The following G3BP1 variants were observed in gnomAD, a reference collection of about 807,000 sequenced individuals.
The protein encoded by G3BP1 is G3BP stress granule assembly factor 1.
In G3BP1, 35 loss-of-function variants were observed where a neutral mutation model predicts 58.6. The ratio of observed to expected loss-of-function variants is 0.60; its 90% CI spans 0.46 to 0.79. The LOEUF is 0.79. Among genes scored for constraint, G3BP1 ranks in the 30% least tolerant of loss-of-function variants. G3BP1 has a pLI of 0.00. For synonymous variants in G3BP1, 191 were observed against 195.4 expected, an observed-to-expected ratio of 0.98 and a Z score of 0.19; for missense variants, 523 against 580.8, an observed-to-expected ratio of 0.90 and a Z score of 1.02.
chr5:151,774,954 A>T (rs894244254), intron 1 of G3BP1, among the ~76,000 whole-genome samples: 1 of 152,148 alleles, frequency 6.6e-6, no homozygotes, highest in Non-Finnish European at 1.5e-5. Context: ...GTATTCTTGG[A>T]CATCCTGTCT....
rs1259162135 is a variant in G3BP1 at position 151,810,932 on chromosome 5, C to T, written c.*6841C>T. 2 of 152,162 alleles carry T rather than the reference C, an allele frequency of 1.3e-5. No homozygotes were observed. The highest frequency in any genetic ancestry group is 2.4e-5 in the African/African-American group (1 of 41,436). The allele number at this position is 152,162 out of a possible 1,614,324, so 9.4% of individuals were successfully genotyped here. On this transcript the variant is annotated 3_prime_UTR_variant, in exon 12 of 12. Coordinates refer to ENST00000356245, the MANE Select transcript of G3BP1 (RefSeq NM_005754.3). ...TTCTTCCTGATTGTGCCTAGTATAT[C>T]CCAGACAGTTTGTTTCTATGCAGAA...
rs974217664 is a variant in G3BP1, at chr5:151,804,853, C to A, written c.*762C>A. On this transcript the variant is annotated 3_prime_UTR_variant, in exon 12 of 12. Coordinates refer to ENST00000356245, the MANE Select transcript of G3BP1 (RefSeq NM_005754.3). ...AAAAAAACAAAAAGCAAAAAAATTC[C>A]CAAAACCCAGATAACAACCAGAGCA... 2.0e-5 allele frequency: 3 copies of A among 152,240 alleles called. No individual in the cohort carries two copies. The highest frequency in any genetic ancestry group is 7.3e-5 in the African/African-American group (3 of 41,314). The allele number at this position is 152,240 out of a possible 1,614,324, so 9.4% of individuals were successfully genotyped here. A position where few individuals can be genotyped will look rare whatever the true frequency, so the allele number is the denominator to read the frequency against.
intron 2 of G3BP1, among the ~76,000 whole-genome samples, chr5:151,787,559 T>G (rs1445886402): frequency 6.6e-6 from 1 of 152,218 alleles, no homozygotes; most frequent in Non-Finnish European, 1.5e-5. Context: ...TCCCATTAAT[T>G]TTAGTGGCTA....
intron 1 of G3BP1, among the ~76,000 whole-genome samples, chr5:151,784,270 TTTC>T (rs1036433884): frequency 6.6e-6 from 1 of 152,270 alleles, no homozygotes; most frequent in Middle Eastern, 3.4e-3. Context: ...CTAATTTTTT[TTTC>T]TTCATTTTTT....
At chr5:151,774,938 A>G (rs77053353) in intron 1 of G3BP1, among the ~76,000 whole-genome samples, 31 of 139,350 alleles carry the variant, frequency 2.2e-4, no homozygotes, top group African/African-American at 8.3e-4. Context: ...TACTTTTTTT[A>G]AAAAAGTATT....
At chr5:151,787,249 A>G (rs1272022754) in intron 2 of G3BP1, 3 of 152,422 alleles carry the variant, frequency 2.0e-5, no homozygotes, top group African/African-American at 7.2e-5. Flanking sequence ...ATAGTCATGC[A>G]TTATTTACTA....
chr5:151,795,288 AAAC>A (rs1191521921), intron 5 of G3BP1, among the ~76,000 whole-genome samples, 188 bp from the exon 6 acceptor site: 2 of 152,196 alleles, frequency 1.3e-5, no homozygotes, highest in African/African-American at 4.8e-5. Flanking sequence ...AAAAAACAAA[AAAC>A]AAAAAAAAGT....
intron 1 of G3BP1, among the ~76,000 whole-genome samples, chr5:151,779,605 CAG>C (rs1762432927): frequency 6.6e-6 from 1 of 152,178 alleles, no homozygotes; most frequent in African/African-American, 2.4e-5. Context: ...CGTTATCACA[CAG>C]TACATATTTG....
rs746033496 is a variant in G3BP1 at position 151,795,597 on chromosome 5, G to A, written c.539+22G>A. On this transcript the variant is annotated intron_variant, in intron 6 of 11. Transcript: ENST00000356245. ...TCAGGTAAGAAGATTTTGTTCACAT[G>A]TCCGGGGCTGCATAAGAACTTGCAT... 6.5e-5 allele frequency: 78 copies of A among 1,202,364 alleles called. No homozygotes were observed. The South Asian group carries it at 9.2e-4, about 14-fold the overall frequency. 74.5% of individuals were successfully genotyped at this position (1,202,364 alleles called of 1,614,324 possible). A position where few individuals can be genotyped will look rare whatever the true frequency, so the allele number is the denominator to read the frequency against.
intron 1 of G3BP1, among the ~76,000 whole-genome samples, chr5:151,778,854 C>T (rs1762418256): frequency 6.6e-6 from 1 of 151,708 alleles, no homozygotes; most frequent in African/African-American, 2.4e-5. Context: ...GCCAGGGGTT[C>T]GAGACCAGCC....
chr5:151,773,170 C>CT (rs34394231), intron 1 of G3BP1, among the ~76,000 whole-genome samples: 31,164 of 151,448 alleles, frequency 0.21, 3,726 homozygotes, highest in South Asian at 0.32. Context: ...TTTTTCTCTA[C>CT]TTTTTTTTTA....
intron 2 of G3BP1, among the ~76,000 whole-genome samples, chr5:151,788,568 T>TTGTGTGTGTG (rs1484426603): frequency 3.0e-5 from 2 of 67,518 alleles, no homozygotes; most frequent in East Asian, 1.2e-3. Context: ...CCAGCTAAGT[T>TTGTGTGTGTG]TATATGTGTG....
At chr5:151,796,881 T>C (rs1197905006) in intron 6 of G3BP1, among the ~76,000 whole-genome samples, 1 of 148,554 alleles carries the variant, frequency 6.7e-6, no homozygotes, top group Non-Finnish European at 1.5e-5. Context: ...GGCAACTTTC[T>C]TTCCCGCCCC....
intron 4 of G3BP1, among the ~76,000 whole-genome samples, chr5:151,792,763 C>T (rs1313049102): frequency 6.6e-6 from 1 of 152,108 alleles, no homozygotes; most frequent in African/African-American, 2.4e-5. Context: ...GCCACCATTC[C>T]TGGCTGATTT....
chr5:151,781,715 A>G lies in G3BP1; in HGVS notation c.-49-4857A>G, dbSNP rs577850702. On this transcript the variant is annotated intron_variant, in intron 1 of 11. Coordinates refer to ENST00000356245, the MANE Select transcript of G3BP1 (RefSeq NM_005754.3). ...TGTCTTTTAAACAGACAGCATAAAC[A>G]TATACAATACTGAAAATGTATTTTG... 2.3e-4 allele frequency among the ~76,000 whole-genome samples: 35 copies of G among 152,382 alleles called. No individual in the cohort carries two copies. In the South Asian group the frequency reaches 6.6e-3, roughly 29 times the overall value.
At chr5:151,780,840 A>T (rs1317970115) in intron 1 of G3BP1, among the ~76,000 whole-genome samples, 1 of 152,124 alleles carries the variant, frequency 6.6e-6, no homozygotes, top group African/African-American at 2.4e-5. Context: ...TTAGACCCTT[A>T]ACATTTTTCT....
At chr5:151,774,270 A>AG (rs1762328392) in intron 1 of G3BP1, among the ~76,000 whole-genome samples, 2 of 152,186 alleles carry the variant, frequency 1.3e-5, no homozygotes, top group East Asian at 3.9e-4. Context: ...ACACTGCACC[A>AG]GGGGAACATT....
intron 11 of G3BP1, among the ~76,000 whole-genome samples, chr5:151,803,318 A>G (rs1379583313): frequency 6.6e-6 from 1 of 151,760 alleles, no homozygotes; most frequent in Non-Finnish European, 1.5e-5. Flanking sequence ...TTTTATTGGG[A>G]CGGAGTCTCA....
rs1000798320 is a variant in G3BP1 at position 151,773,228 on chromosome 5, G to T, written c.-50+1192G>T. Among the ~76,000 whole-genome samples the T allele has an allele frequency of 7.0e-4, 107 of 152,130 alleles. 1 individual carries two copies. Among genetic ancestry groups the T allele is most frequent in the Non-Finnish European group, 1.8e-4 (12 of 68,018 alleles). ...AGACCTTGAGAAGATTCACTTTATA[G>T]TTGAAGGGAATGAGGTGCAAAGCGA... On this transcript the variant is annotated intron_variant, in intron 1 of 11. Transcript: ENST00000356245.
Sources: allele counts gnomAD v4.1 joint callset (sites outside exome capture counted in the v4.1 genomes callset), GRCh38; gene constraint gnomAD v4.1.1; transcripts MANE v1.5; gene names NCBI Gene and HGNC (gene_info 2026-07-23, HGNC 2026-07-21).